HBEGF: variants seen among roughly 807,000 people sequenced by gnomAD.
The protein encoded by HBEGF is proheparin-binding EGF-like growth factor.
A neutral mutation model predicts 19.5 loss-of-function variants in HBEGF; 8 were observed. The observed-to-expected ratio is 0.41, with a 90% CI of 0.24 to 0.74. The LOEUF (loss-of-function observed/expected upper bound fraction) is 0.74, where lower values mean the gene tolerates loss of function less well. Among genes scored for constraint, HBEGF ranks in the 30% least tolerant of loss-of-function variants. The pLI is 0.32. For synonymous variants in HBEGF, 97 were observed against 108.9 expected (o/e 0.89, Z 0.68); for missense variants, 207 against 256.9 (o/e 0.81, Z 1.33).
chr5:140,341,010 T>C (rs1766302946), intron 3 of HBEGF, among the ~76,000 whole-genome samples: 1 of 152,150 alleles, frequency 6.6e-6, no homozygotes, highest in Non-Finnish European at 1.5e-5. Flanking sequence ...AAACTATATC[T>C]CTCCAGCTCC....
chr5:140,342,568 A>G (rs1023702540), intron 3 of HBEGF, 67 bp downstream of exon 3: 2 of 1,444,450 alleles, frequency 1.4e-6, no homozygotes, highest in Admixed American at 3.5e-5. Flanking sequence ...AACAGTGACA[A>G]CGAGGAACAG....
intron 3 of HBEGF, among the ~76,000 whole-genome samples, chr5:140,337,750 G>A (rs1367599936): frequency 6.6e-6 from 1 of 152,136 alleles, no homozygotes; most frequent in Non-Finnish European, 1.5e-5. Context: ...GTATAGCACA[G>A]TCCACAGTTC....
chr5:140,337,537 A>G (rs1463946479), intron 3 of HBEGF, among the ~76,000 whole-genome samples: 1 of 152,180 alleles, frequency 6.6e-6, no homozygotes, highest in Non-Finnish European at 1.5e-5. Flanking sequence ...ACCTCAGAAC[A>G]AGGAATCCCT....
intron 2 of HBEGF, among the ~76,000 whole-genome samples, chr5:140,343,754 C>T (rs1766350813): frequency 6.6e-6 from 1 of 152,226 alleles, no homozygotes; most frequent in African/African-American, 2.4e-5. Context: ...AAGGTGCCCA[C>T]ATCCATGGCT....
chr5:140,339,550 A>G (rs11465446), intron 3 of HBEGF, among the ~76,000 whole-genome samples: 28,390 of 151,654 alleles, frequency 0.19, 2,935 homozygotes, highest in East Asian at 0.43. Context: ...CCGCCACAAC[A>G]CCCAGCTAAT....
chr5:140,345,837 A>G, intron 2 of HBEGF, 74 bp downstream of exon 2: 2 of 1,582,494 alleles, frequency 1.3e-6, no homozygotes, highest in South Asian at 2.2e-5. Context: ...TATTGCCCAA[A>G]CAGCAAGAAT....
At chr5:140,334,312 G>A (rs1001642447) in intron 5 of HBEGF, 32 bp from the exon 6 acceptor site, 3 of 221,060 alleles carry the variant, frequency 1.4e-5, no homozygotes, top group Non-Finnish European at 1.8e-5. Context: ...TGTAAAGCCA[G>A]GTCCAGTCTA....
chr5:140,346,291 A>T lies in HBEGF; in HGVS notation c.38T>A (p.Leu13Gln). 1 of 1,607,796 alleles carries T rather than the reference A, an allele frequency of 6.2e-7. No individual in the cohort carries two copies. Among genetic ancestry groups the T allele is most frequent in the Non-Finnish European group, 8.5e-7 (1 of 1,177,574 alleles). The change falls in exon 1 of 6, where the codon CTG becomes CAG. Residue 13 changes from leucine to glutamine, a missense_variant. Coordinates refer to ENST00000230990, the MANE Select transcript of HBEGF (RefSeq NM_001945.3). This position sits in a 1 kb window ranked among gnomAD's most constrained non-coding sequence, Gnocchi z 6.1. ...LLPSVVLKLFLAAVLSALVTG... is the reference protein window; with the variant it reads ...LLPSVVLKLFQAAVLSALVTG... Reference sequence around the variant, plus strand: ...GTCGGCAGCCCTCTTACCTGCAGCCAGAAAGAGCTTCAGCACCACCGACGG... The same window carrying T: ...GTCGGCAGCCCTCTTACCTGCAGCCTGAAAGAGCTTCAGCACCACCGACGG...
chr5:140,344,538 T>C (rs919099350), intron 2 of HBEGF, among the ~76,000 whole-genome samples: 1 of 152,170 alleles, frequency 6.6e-6, no homozygotes. Flanking sequence ...GTAGCAGTCA[T>C]TTATTTTAGG....
intron 2 of HBEGF, among the ~76,000 whole-genome samples, chr5:140,343,794 A>T (rs891067012): frequency 3.9e-5 from 6 of 152,216 alleles, no homozygotes; most frequent in Non-Finnish European, 8.8e-5. Context: ...AAGGGTAAGC[A>T]TGATACGTTA....
At position 140,342,691 on chromosome 5, in the gene HBEGF, G is replaced by A. The variant is rs780814806; in HGVS notation, c.342C>T (p.Asp114=). ...ATTTGCATTCTCCATGGATGCAGAA[G>A]TCCTTGTATTTCCGAAGACATGGGT... is the stretch of plus-strand genomic sequence containing the variant. ...KRDPCLRKYK[D]FCIHGECKYV... The change falls in exon 3 of 6, where the codon GAC becomes GAT. Residue 114 remains aspartate (D), a synonymous_variant. Transcript: ENST00000230990. 1.5e-5 allele frequency: 24 copies of A among 1,614,080 alleles called. No homozygotes were observed. The highest frequency in any genetic ancestry group is 2.0e-5 in the Non-Finnish European group (24 of 1,180,046).
chr5:140,339,137 A>G (rs1766271032), intron 3 of HBEGF, among the ~76,000 whole-genome samples: 1 of 152,190 alleles, frequency 6.6e-6, no homozygotes, highest in Admixed American at 6.5e-5. Flanking sequence ...ACATAATCAG[A>G]CTCCAGAGGT....
chr5:140,342,882 AAGG>A (rs1267483573), intron 2 of HBEGF, 70 bp from the exon 3 acceptor site: 72 of 1,505,084 alleles, frequency 4.8e-5, no homozygotes, highest in Non-Finnish European at 5.9e-5. Flanking sequence ...TAGTGCTTGA[AAGG>A]AGTATATATG....
chr5:140,334,530 C>T, intron 5 of HBEGF, 128 bp downstream of exon 5: 1 of 720,346 alleles, frequency 1.4e-6, no homozygotes, highest in Middle Eastern at 2.5e-4. Flanking sequence ...AATAATTCTG[C>T]AATGGGATAT....
intron 2 of HBEGF, among the ~76,000 whole-genome samples, chr5:140,345,298 T>C (rs983973862): frequency 6.6e-6 from 1 of 152,182 alleles, no homozygotes; most frequent in African/African-American, 2.4e-5. Flanking sequence ...TCCTCAGGAA[T>C]GCAAGGTGCT....
chr5:140,345,921 G>A lies in HBEGF; in HGVS notation c.210C>T (p.Asp70=), dbSNP rs368888624. 8.1e-6 allele frequency: 13 copies of A among 1,614,040 alleles called. No individual in the cohort carries two copies. The highest frequency in any genetic ancestry group is 1.0e-5 in the Non-Finnish European group (12 of 1,180,018). Residue 70 remains aspartate (D), a synonymous_variant, in exon 2 of 6, where the codon GAC becomes GAT. Transcript: ENST00000230990. ...KVRDLQEADL[D]LLRVTLSSKP... ...GGCCTCCACACCCACCTCTCAAAAG[G>A]TCCAGATCTGCCTCTTGCAAGTCAC... is the stretch of plus-strand genomic sequence containing the variant.
At chr5:140,343,169 AC>A in intron 2 of HBEGF, 2 of 213,908 alleles carry the variant, frequency 9.3e-6, no homozygotes, top group Admixed American at 5.2e-5. Context: ...ACTCCCCCAC[AC>A]CCACTTCATT....
intron 3 of HBEGF, among the ~76,000 whole-genome samples, chr5:140,339,429 G>A (rs1030799709): frequency 1.3e-5 from 2 of 152,058 alleles, no homozygotes; most frequent in Non-Finnish European, 2.9e-5. Context: ...TTTTGCTCTT[G>A]TTGCCTAGGC....
chr5:140,342,496 C>T, intron 3 of HBEGF, 139 bp downstream of exon 3: 1 of 807,112 alleles, frequency 1.2e-6, no homozygotes, highest in Admixed American at 2.4e-5. Context: ...AAATATATTT[C>T]CCCTCCTCCC....
Sources: gnomAD v4.1 joint callset for allele counts (sites outside exome capture counted in the v4.1 genomes callset) on GRCh38, gnomAD v4.1.1 for gene constraint, Gnocchi (gnomAD v3.1) non-coding constraint, MANE v1.5 for transcripts, NCBI Gene and HGNC (gene_info 2026-07-23, HGNC 2026-07-21) for gene names.